SLC22A14: variants seen among roughly 807,000 people sequenced by gnomAD.
SLC22A14 encodes the protein organic cation transporter-like 4.
A neutral mutation model predicts 53.9 loss-of-function variants in SLC22A14; 50 were observed. That is an observed-to-expected ratio of 0.93 (90% CI 0.74 to 1.17). The LOEUF (loss-of-function observed/expected upper bound fraction) is 1.17, where lower values mean the gene tolerates loss of function less well. Among genes scored for constraint, SLC22A14 ranks in the 50% most tolerant of loss-of-function variants. The probability of loss-of-function intolerance (pLI) is 0.00; values close to 1 mark genes in which losing one functional copy is unlikely to be tolerated. For missense variants in SLC22A14, 671 were observed against 734.7 expected (o/e 0.91, Z 1.00); for synonymous variants, 312 against 303.0 (o/e 1.03, Z -0.31).
At position 38,316,417 on chromosome 3, in the gene SLC22A14, C is replaced by T. The variant is rs918101173; in HGVS notation, c.1626C>T (p.Ile542=). ...IISQTPSLLP[I]FLCCVLAIVA... Reference sequence around the variant, plus strand: ...GCCAGACCCCCTCCCTCCTGCCCATCTTTCTCTGCTGCGTCTTAGCCATCG... The same window carrying T: ...GCCAGACCCCCTCCCTCCTGCCCATTTTTCTCTGCTGCGTCTTAGCCATCG... The change falls in exon 10 of 11, where the codon ATC becomes ATT. Residue 542 remains isoleucine, a synonymous_variant. Transcript: ENST00000448498. 1 of 1,614,238 alleles carries T rather than the reference C, an allele frequency of 6.2e-7. No individual in the cohort carries two copies. Among genetic ancestry groups the T allele is most frequent in the Non-Finnish European group, 8.5e-7 (1 of 1,180,034 alleles).
chr3:38,287,708 T>C (rs1703822947), intron 1 of SLC22A14, among the ~76,000 whole-genome samples: 1 of 152,212 alleles, frequency 6.6e-6, no homozygotes, highest in Non-Finnish European at 1.5e-5. Flanking sequence ...TGTCCTTCAA[T>C]ATACATTTTA....
Position 38,307,104 on chromosome 3 carries a change from C to G in SLC22A14, c.517-150C>G, listed in dbSNP as rs1704326520. ...GGTGCCAGAGGGGTTGCAGAGGTAACAGAGCAGAGGCAACAGCTGAGGCAC... is the reference window on the plus strand; with the variant it reads ...GGTGCCAGAGGGGTTGCAGAGGTAAGAGAGCAGAGGCAACAGCTGAGGCAC... On this transcript the variant is annotated intron_variant, in intron 2 of 10. Transcript: ENST00000448498. The surrounding 1 kb of genome is among the most constrained non-coding windows in gnomAD (Gnocchi z 4.4). 1.5e-6 allele frequency: 1 copy of G among 664,816 alleles called. No individual in the cohort carries two copies. The highest frequency in any genetic ancestry group is 2.2e-5 in the Admixed American group (1 of 46,424). 41.2% of individuals were successfully genotyped at this position (664,816 alleles called of 1,614,324 possible).
At position 38,315,557 on chromosome 3, in the gene SLC22A14, G is replaced by T. The variant is rs1330909319; in HGVS notation, c.1379-1G>T. Reference sequence around the variant, plus strand: ...GAGTGGAACTCCTTCACCCACCCCAGGGGAGGATGGCCTCAGACTCAAGTG... The same window carrying T: ...GAGTGGAACTCCTTCACCCACCCCATGGGAGGATGGCCTCAGACTCAAGTG... On this transcript the variant is annotated splice_acceptor_variant, in intron 8 of 10. Transcript: ENST00000448498. LOFTEE classifies it high-confidence loss of function. The T allele has an allele frequency of 6.2e-7, 1 of 1,613,446 alleles. No homozygotes were observed. The highest frequency in any genetic ancestry group is 1.7e-5 in the Admixed American group (1 of 60,010).
In SLC22A14 at chr3:38,309,027, C is replaced by G; in HGVS notation, c.849C>G (p.Ala283=). The change falls in exon 5 of 11, where the codon GCC becomes GCG. Residue 283 remains alanine (A), a synonymous_variant. Transcript: ENST00000448498. ...ILGHCFFAVG[A]VLLTGIAYSL... ...GACACTGCTTTTTCGCTGTTGGGGC[C>G]GTGTTGCTGACAGGGATCGCCTACA... 1 of 1,614,016 alleles carries G rather than the reference C, an allele frequency of 6.2e-7. No individual in the cohort carries two copies.
At chr3:38,305,858 A>G (rs943558005) in intron 1 of SLC22A14, 169 bp from the exon 2 acceptor site, 2 of 671,754 alleles carry the variant, frequency 3.0e-6, no homozygotes, top group African/African-American at 3.6e-5. Flanking sequence ...AGGGGGGAAT[A>G]AATCATGTTA....
rs1038251937 is a variant in SLC22A14 at position 38,317,117 on chromosome 3, A to G, written c.1733+593A>G. Among the ~76,000 whole-genome samples the G allele has an allele frequency of 5.3e-5, 8 of 152,314 alleles. No individual in the cohort carries two copies. The East Asian group carries it at 1.5e-3, about 29-fold the overall frequency. ...ACCATTCCTTCTGGGTTTTCGGCCAATGAACACGCTCTCCCTGGACCTGAG... is the reference window on the plus strand; with the variant it reads ...ACCATTCCTTCTGGGTTTTCGGCCAGTGAACACGCTCTCCCTGGACCTGAG... On this transcript the variant is annotated intron_variant, in intron 10 of 10. Coordinates refer to ENST00000448498, the MANE Select transcript of SLC22A14 (RefSeq NM_001320033.2).
intron 5 of SLC22A14, among the ~76,000 whole-genome samples, chr3:38,311,071 C>T (rs972225655): frequency 9.2e-5 from 14 of 152,172 alleles, no homozygotes; most frequent in Admixed American, 1.3e-4. Flanking sequence ...AGGCAGTCCC[C>T]GCATCTATCT....
chr3:38,312,854 C>T (rs975030196), intron 5 of SLC22A14, 145 bp from the exon 6 acceptor site: 64 of 1,046,758 alleles, frequency 6.1e-5, no homozygotes, highest in South Asian at 4.1e-4. Context: ...GAGGGCAGCT[C>T]GAGGTCAGTG....
intron 1 of SLC22A14, among the ~76,000 whole-genome samples, chr3:38,285,113 G>A (rs2125868835): frequency 6.6e-6 from 1 of 152,316 alleles, no homozygotes; most frequent in South Asian, 2.1e-4. Context: ...AGATTCCGTA[G>A]CCATTAACAT....
chr3:38,318,318 C>G lies in SLC22A14; in HGVS notation c.*69C>G. The G allele has an allele frequency of 7.1e-7, 1 of 1,417,872 alleles. No homozygotes were observed. The highest frequency in any genetic ancestry group is 1.0e-6 in the Non-Finnish European group (1 of 1,001,100). The allele number at this position is 1,417,872 out of a possible 1,614,324, so 87.8% of individuals were successfully genotyped here. A position where few individuals can be genotyped will look rare whatever the true frequency, so the allele number is the denominator to read the frequency against. Reference sequence around the variant, plus strand: ...TTGGACCCATACCCTGTCTCCAACCCTGCCTTGAAGCAATTCAATAAAGAG... The same window carrying G: ...TTGGACCCATACCCTGTCTCCAACCGTGCCTTGAAGCAATTCAATAAAGAG... On this transcript the variant is annotated 3_prime_UTR_variant, in exon 11 of 11. Coordinates refer to ENST00000448498, the MANE Select transcript of SLC22A14 (RefSeq NM_001320033.2).
At chr3:38,317,221 C>T (rs1002717953) in intron 10 of SLC22A14, among the ~76,000 whole-genome samples, 1 of 152,228 alleles carries the variant, frequency 6.6e-6, no homozygotes, top group Admixed American at 6.5e-5. Flanking sequence ...GCAGTCACTG[C>T]CTCTGGCCTT....
chr3:38,286,889 G>A (rs1326974288), intron 1 of SLC22A14, among the ~76,000 whole-genome samples: 1 of 151,652 alleles, frequency 6.6e-6, no homozygotes, highest in Admixed American at 6.6e-5. Context: ...GCACCATCAT[G>A]CCTGGCTAAT....
In SLC22A14 at chr3:38,306,539, T is replaced by C. The variant is rs1704312282; in HGVS notation, c.513T>C (p.Asn171=). Residue 171 remains asparagine (N), a synonymous_variant, in exon 2 of 11, where the codon AAT becomes AAC. Transcript: ENST00000448498. ...YPDAKKRSLI[N]EFDLVCGMET... is the part of the protein sequence containing the mutation. Reference sequence around the variant, plus strand: ...ACGCTAAGAAGCGATCGCTGATCAATGAGGTATGTCTTGTCATGGGTTGTC... The same window carrying C: ...ACGCTAAGAAGCGATCGCTGATCAACGAGGTATGTCTTGTCATGGGTTGTC... 1.2e-6 allele frequency: 2 copies of C among 1,610,238 alleles called. No individual in the cohort carries two copies. The highest frequency in any genetic ancestry group is 1.7e-6 in the Non-Finnish European group (2 of 1,177,636).
intron 10 of SLC22A14, among the ~76,000 whole-genome samples, chr3:38,316,985 G>T (rs1269485669): frequency 6.6e-6 from 1 of 152,214 alleles, no homozygotes; most frequent in African/African-American, 2.4e-5. Flanking sequence ...GGCCCCAGCA[G>T]CCCAGGACCC....
intron 1 of SLC22A14, among the ~76,000 whole-genome samples, chr3:38,288,963 CGAG>C (rs1559543208): frequency 6.6e-6 from 1 of 151,898 alleles, no homozygotes; most frequent in African/African-American, 2.4e-5. Flanking sequence ...GAGGATCACT[CGAG>C]GCCAGAAGTT....
At chr3:38,311,390 T>G (rs1317826439) in intron 5 of SLC22A14, among the ~76,000 whole-genome samples, 6 of 152,248 alleles carry the variant, frequency 3.9e-5, no homozygotes, top group Non-Finnish European at 8.8e-5. Flanking sequence ...TGATTTGTAC[T>G]GGCCTCCTTA....
At chr3:38,295,763 C>T (rs1202069853) in intron 1 of SLC22A14, among the ~76,000 whole-genome samples, 1 of 151,074 alleles carries the variant, frequency 6.6e-6, no homozygotes, top group East Asian at 2.0e-4. Context: ...CTCTGTCTCT[C>T]TCCTCTCTGT....
intron 1 of SLC22A14, among the ~76,000 whole-genome samples, chr3:38,290,876 ATTTCC>A (rs1703899401): frequency 6.6e-6 from 1 of 151,656 alleles, no homozygotes; most frequent in African/African-American, 2.4e-5. Flanking sequence ...GTTCCCTTCT[ATTTCC>A]TTTTCCTTTC....
chr3:38,312,344 A>C (rs1317014715), intron 5 of SLC22A14, among the ~76,000 whole-genome samples: 2 of 152,230 alleles, frequency 1.3e-5, no homozygotes, highest in East Asian at 1.9e-4. Context: ...AAGGGCACCA[A>C]GCACCATTTT....
Sources: allele counts gnomAD v4.1 joint callset (sites outside exome capture counted in the v4.1 genomes callset), GRCh38; gene constraint gnomAD v4.1.1; non-coding constraint Gnocchi (gnomAD v3.1); transcripts MANE v1.5; gene names NCBI Gene and HGNC (gene_info 2026-07-23, HGNC 2026-07-21).